The following P4HA3 variants were observed in gnomAD, a reference collection of about 807,000 sequenced individuals.
P4HA3 encodes the protein prolyl 4-hydroxylase subunit alpha 3.
A neutral mutation model predicts 66.7 loss-of-function variants in P4HA3; 60 were observed. The ratio of observed to expected loss-of-function variants is 0.90; its 90% CI spans 0.73 to 1.12. P4HA3 has a LOEUF of 1.12. P4HA3 is among the 50% of genes most tolerant of loss of function. The pLI, the probability that P4HA3 is intolerant of heterozygous loss-of-function variation, is 0.00. For synonymous variants in P4HA3, 263 were observed against 274.6 expected (o/e 0.96, Z 0.42); for missense variants, 683 against 685.8 (o/e 1.00, Z 0.05).
rs201053102 is a variant in P4HA3, at chr11:74,281,814, T to C, written c.1111-2362A>G. Among the ~76,000 whole-genome samples, 27 of 151,610 alleles carry C rather than the reference T, an allele frequency of 1.8e-4. No individual in the cohort carries two copies. The East Asian group carries it at 2.7e-3, about 15-fold the overall frequency. On this transcript the variant is annotated intron_variant, in intron 7 of 12. Coordinates refer to ENST00000331597, the MANE Select transcript of P4HA3 (RefSeq NM_182904.5). ...GGGTGCAGCGCACCAGCATGGCACATGTATACGTATGTAACTAACCTGCAC... is the reference window on the plus strand; with the variant it reads ...GGGTGCAGCGCACCAGCATGGCACACGTATACGTATGTAACTAACCTGCAC...
At chr11:74,285,619 C>T (rs1446274767) in intron 7 of P4HA3, 190 bp downstream of exon 7, 3 of 578,348 alleles carry the variant, frequency 5.2e-6, no homozygotes, top group Non-Finnish European at 9.0e-6. Context: ...TCCAGTTAAT[C>T]CTTTCCCTCT....
rs768868000 is a variant in P4HA3 at position 74,279,405 on chromosome 11, C to T, written c.1158G>A (p.Glu386=). 1.2e-6 allele frequency: 2 copies of T among 1,613,886 alleles called. No homozygotes were observed. The highest frequency in any genetic ancestry group is 1.7e-6 in the Non-Finnish European group (2 of 1,179,832). ...CTTCTTACCTTTTGCTGATGCGGTA[C>T]TCCACTTGTAACTGCTTCTCCCCTG... is the stretch of plus-strand genomic sequence containing the variant. The part of the protein sequence containing the change: ...VASGEKQLQV[E]YRISKSAWLK... Residue 386 remains glutamate (E), a synonymous_variant, in exon 8 of 13, where the codon GAG becomes GAA. Transcript: ENST00000331597.
At chr11:74,290,120 T>C (rs555802366) in intron 4 of P4HA3, among the ~76,000 whole-genome samples, 1,725 of 152,102 alleles carry the variant, frequency 0.011, 32 homozygotes, top group African/African-American at 0.04. Context: ...TTCCTGACTT[T>C]TTAATGATCG....
chr11:74,256,121 C>A (rs1162762420), intron 15 of P4HA3, among the ~76,000 whole-genome samples: 4 of 152,206 alleles, frequency 2.6e-5, no homozygotes, highest in Non-Finnish European at 2.9e-5. Flanking sequence ...TACAGGTAGG[C>A]AGACAGGTCC....
Position 74,311,526 on chromosome 11 carries a change from T to C in P4HA3, c.86A>G (p.Asp29Gly). 1 of 1,541,576 alleles carries C rather than the reference T, an allele frequency of 6.5e-7. No homozygotes were observed. Among genetic ancestry groups the C allele is most frequent in the Non-Finnish European group, 8.7e-7 (1 of 1,153,090 alleles). Residue 29 changes from aspartate to glycine, a missense_variant, in exon 1 of 13, where the codon GAC (aspartate) becomes GGC (glycine). Transcript: ENST00000331597. ...CACGCTGGTCAGCGCCGAGAACGTG[T>C]CGCCCCGAGCCGCAGCCCTTTCTGG... ...GDPERAAARG[D>G]TFSALTSVAR...
At chr11:74,288,680 G>A (rs1860887269) in intron 5 of P4HA3, among the ~76,000 whole-genome samples, 1 of 152,140 alleles carries the variant, frequency 6.6e-6, no homozygotes, top group South Asian at 2.1e-4. Flanking sequence ...CAGGCACAGT[G>A]GCTCATGCCT....
At chr11:74,261,715 C>T (rs1038288761), downstream of P4HA3, among the ~76,000 whole-genome samples, 1 of 151,862 alleles carries the variant, frequency 6.6e-6, no homozygotes, top group Non-Finnish European at 1.5e-5. Context: ...AATCAGTCAT[C>T]CCAGCATCCT....
chr11:74,256,230 T>A (rs1169295016), intron 15 of P4HA3, among the ~76,000 whole-genome samples: 1 of 152,176 alleles, frequency 6.6e-6, no homozygotes, highest in Non-Finnish European at 1.5e-5. Flanking sequence ...GCAGAAGTCA[T>A]TTTGGACCAG....
In P4HA3 at chr11:74,311,444, G is replaced by A. The variant is rs1313948646; in HGVS notation, c.168C>T (p.Arg56=). The change falls in exon 1 of 13, where the codon CGC becomes CGT. Residue 56 remains arginine (R), a synonymous_variant. Coordinates refer to ENST00000331597, the MANE Select transcript of P4HA3 (RefSeq NM_182904.5). ...GGTCCCGCAGCCGCGCCTCCTCCCC[G>A]CGCAGGTACCGCCTCAGCAGCCCCA... ...RLLGLLRRYL[R]GEEARLRDLT... is the part of the protein sequence containing the mutation. 1 of 1,538,684 alleles carries A rather than the reference G, an allele frequency of 6.5e-7. No homozygotes were observed. Among genetic ancestry groups the A allele is most frequent in the Non-Finnish European group, 8.7e-7 (1 of 1,149,830 alleles).
At chr11:74,269,947 T>C (rs1860135192) in intron 10 of P4HA3, among the ~76,000 whole-genome samples, 1 of 152,192 alleles carries the variant, frequency 6.6e-6, no homozygotes, top group African/African-American at 2.4e-5. Flanking sequence ...ATTCTTCCTT[T>C]CTTTCCCTTC....
At chr11:74,254,937 C>A (rs1392899924) in intron 15 of P4HA3, among the ~76,000 whole-genome samples, 1 of 152,172 alleles carries the variant, frequency 6.6e-6, no homozygotes, top group African/African-American at 2.4e-5. Flanking sequence ...TCGGCTGTGT[C>A]GACTTTGGTC....
chr11:74,251,951 T>C, intron 15 of P4HA3: 1 of 709,356 alleles, frequency 1.4e-6, no homozygotes, highest in South Asian at 1.4e-5. Context: ...TTGTGCCTAG[T>C]CTCACTCCCC....
intron 1 of P4HA3, among the ~76,000 whole-genome samples, chr11:74,308,692 T>C (rs1478656175): frequency 6.6e-6 from 1 of 152,224 alleles, no homozygotes; most frequent in Non-Finnish European, 1.5e-5. Context: ...TGTTTTTTTA[T>C]CTAGGCTGTC....
chr11:74,276,492 C>T (rs1425325335), intron 9 of P4HA3, among the ~76,000 whole-genome samples: 1 of 151,934 alleles, frequency 6.6e-6, no homozygotes, highest in East Asian at 1.9e-4. Context: ...TTCAAGACTG[C>T]AGTGAGCTAT....
chr11:74,264,808 C>T (rs1859963988), downstream of P4HA3, among the ~76,000 whole-genome samples: 2 of 152,366 alleles, frequency 1.3e-5, no homozygotes, highest in South Asian at 4.1e-4. Flanking sequence ...ACTGGCCCAG[C>T]TTCCAGGGCT....
chr11:74,276,897 C>T, intron 9 of P4HA3, 88 bp downstream of exon 9: 2 of 1,326,090 alleles, frequency 1.5e-6, no homozygotes, highest in Non-Finnish European at 2.0e-6. Flanking sequence ...TTAGTATTCC[C>T]TGAGAGCCTA....
intron 7 of P4HA3, among the ~76,000 whole-genome samples, chr11:74,282,843 C>T (rs1297400994): frequency 6.6e-6 from 1 of 152,070 alleles, no homozygotes; most frequent in Non-Finnish European, 1.5e-5. Context: ...TGAGAAAAAG[C>T]TTAGAGTTCA....
intron 3 of P4HA3, among the ~76,000 whole-genome samples, chr11:74,300,540 G>GC (rs1041899439): frequency 6.6e-6 from 1 of 152,018 alleles, no homozygotes; most frequent in Non-Finnish European, 1.5e-5. Flanking sequence ...GATCACTTGA[G>GC]CCCCCCCAGG....
chr11:74,289,691 G>C (rs1264986852), intron 4 of P4HA3, among the ~76,000 whole-genome samples: 1 of 149,252 alleles, frequency 6.7e-6, no homozygotes. Flanking sequence ...TGAGAACATG[G>C]GGTGTTTGGT....
Sources: gnomAD v4.1 joint callset for allele counts (sites outside exome capture counted in the v4.1 genomes callset) on GRCh38, gnomAD v4.1.1 for gene constraint, MANE v1.5 for transcripts, NCBI Gene and HGNC (gene_info 2026-07-23, HGNC 2026-07-21) for gene names.